Variants in NPSR1 observed in about 807,000 individuals in gnomAD.
NPSR1 encodes neuropeptide S receptor 1.
Under a neutral mutation model 46.9 loss-of-function variants are expected in NPSR1, and 48 were observed. That is an observed-to-expected ratio of 1.02 (90% CI 0.81 to 1.30). The LOEUF (loss-of-function observed/expected upper bound fraction) is 1.30. Ranked by LOEUF, NPSR1 falls within the 50% of genes most tolerant of loss-of-function variation. The probability of loss-of-function intolerance (pLI) is 0.00; values close to 1 mark genes in which losing one functional copy is unlikely to be tolerated. For missense variants in NPSR1, 450 were observed against 449.5 expected, an observed-to-expected ratio of 1.00 and a Z score of -0.01; for synonymous variants, 176 against 168.1, an observed-to-expected ratio of 1.05 and a Z score of -0.36.
Position 34,849,719 on chromosome 7 carries a change from T to C in NPSR1, c.*64T>C. The C allele has an allele frequency of 1.3e-6, 2 of 1,597,390 alleles. No homozygotes were observed. Among genetic ancestry groups the C allele is most frequent in the Non-Finnish European group, 1.7e-6 (2 of 1,171,680 alleles). On this transcript the variant is annotated 3_prime_UTR_variant, in exon 9 of 9. Transcript: ENST00000360581. ...GCTCTCCCAGGTCCTTGTCACCTGC[T>C]TGGGCACGTGCATGGAACCCGAGCC...
chr7:34,827,557 C>G lies in NPSR1; in HGVS notation c.635C>G (p.Thr212Ser). 6.2e-7 allele frequency: 1 copy of G among 1,606,408 alleles called. No homozygotes were observed. Among genetic ancestry groups the G allele is most frequent in the Non-Finnish European group, 8.5e-7 (1 of 1,175,290 alleles). The change falls in exon 5 of 9, where the codon ACC becomes AGC. Residue 212 changes from threonine to serine, a missense_variant. Physicochemically the swap from Thr to Ser is moderately conservative, Grantham distance 58 (BLOSUM62 1). Transcript: ENST00000360581. ...GACTCCTACTGGACCCCATACATGA[C>G]CATCGTGGCCTTCCTGGTGTACTTC... ...PDDSYWTPYM[T>S]IVAFLVYFIP...
chr7:34,764,260 G>A (rs1786320232), intron 2 of NPSR1, among the ~76,000 whole-genome samples: 2 of 150,432 alleles, frequency 1.3e-5, no homozygotes, highest in South Asian at 2.1e-4. Context: ...TATTATTAAT[G>A]TGCTGGTTGA....
chr7:34,754,525 T>C (rs746309831), intron 2 of NPSR1, among the ~76,000 whole-genome samples: 131 of 152,160 alleles, frequency 8.6e-4, no homozygotes, highest in Non-Finnish European at 1.4e-3. Context: ...TGCCCCCTCC[T>C]ACCAATTCCC....
At chr7:34,704,496 A>C (rs2128698021) in intron 2 of NPSR1, among the ~76,000 whole-genome samples, 1 of 152,284 alleles carries the variant, frequency 6.6e-6, no homozygotes, top group Middle Eastern at 3.4e-3. Flanking sequence ...ACTTATTAAG[A>C]GTGTCTTTGA....
At chr7:34,787,309 A>G (rs1387876826) in intron 3 of NPSR1, among the ~76,000 whole-genome samples, 2 of 152,106 alleles carry the variant, frequency 1.3e-5, no homozygotes, top group Non-Finnish European at 2.9e-5. Context: ...CAGCTTTCAC[A>G]TCTATCTCAG....
At chr7:34,807,223 G>GT (rs1308876978) in intron 3 of NPSR1, among the ~76,000 whole-genome samples, 3 of 152,012 alleles carry the variant, frequency 2.0e-5, no homozygotes, top group East Asian at 1.9e-4. Context: ...TGTGATTTGC[G>GT]TAAGTCTTAC....
intron 8 of NPSR1, among the ~76,000 whole-genome samples, chr7:34,876,262 G>A (rs1209613368): frequency 6.6e-6 from 1 of 152,146 alleles, no homozygotes; most frequent in East Asian, 1.9e-4. Flanking sequence ...GGAAGCCCAA[G>A]TTCAAAACCC....
intron 4 of NPSR1, among the ~76,000 whole-genome samples, chr7:34,825,134 A>T (rs1426538084): frequency 1.3e-5 from 2 of 152,090 alleles, no homozygotes; most frequent in African/African-American, 2.4e-5. Context: ...GGTGGTGAAG[A>T]CATTTTCCTA....
intron 2 of NPSR1, among the ~76,000 whole-genome samples, chr7:34,717,518 A>C (rs946989606): frequency 3.9e-5 from 6 of 152,226 alleles, no homozygotes; most frequent in Non-Finnish European, 7.3e-5. Context: ...GGGGAAATGT[A>C]AGATGGTGGA....
rs190163405 is a variant in NPSR1, at chr7:34,857,001, A to G, written c.1025+8338A>G. On this transcript the variant is annotated intron_variant, in intron 8 of 8. Transcript: ENST00000359791. ...ATGCCATGAAGCCATATTTTAGGGT[A>G]AAGTTCCATGAGCTCCTGCATTCGT... is the stretch of plus-strand genomic sequence containing the variant. Among the ~76,000 whole-genome samples, 35 of 151,824 alleles carry G rather than the reference A, an allele frequency of 2.3e-4. 2 individuals are homozygous for G. The highest frequency in any genetic ancestry group is 8.5e-4 in the African/African-American group (35 of 41,132).
intron 8 of NPSR1, among the ~76,000 whole-genome samples, chr7:34,859,525 CT>C (rs1791137143): frequency 1.3e-5 from 2 of 151,646 alleles, no homozygotes; most frequent in Admixed American, 1.3e-4. Context: ...ATAGGGAACA[CT>C]GGAGATATTG....
At chr7:34,720,984 G>GA (rs367669923) in intron 2 of NPSR1, among the ~76,000 whole-genome samples, 7 of 150,944 alleles carry the variant, frequency 4.6e-5, no homozygotes, top group African/African-American at 7.3e-5. Context: ...GGATATCTCT[G>GA]AAAAAAAAAT....
intron 5 of NPSR1, among the ~76,000 whole-genome samples, chr7:34,832,736 C>A (rs1790176489): frequency 1.3e-5 from 2 of 152,086 alleles, no homozygotes; most frequent in South Asian, 4.1e-4. Flanking sequence ...TAACTTTTCC[C>A]CTGTGTACAT....
At chr7:34,700,503 A>G (rs1417902994) in intron 2 of NPSR1, among the ~76,000 whole-genome samples, 1 of 152,224 alleles carries the variant, frequency 6.6e-6, no homozygotes, top group Non-Finnish European at 1.5e-5. Context: ...ATCCCAAGTA[A>G]GAGCATGAAA....
chr7:34,692,174 G>A (rs1191083683), intron 2 of NPSR1, among the ~76,000 whole-genome samples: 1 of 151,802 alleles, frequency 6.6e-6, no homozygotes, highest in Non-Finnish European at 1.5e-5. Flanking sequence ...AGAAACTCTG[G>A]ACTTAAACTA....
In NPSR1 at chr7:34,658,347, A is replaced by T; in HGVS notation, c.-66A>T. ...CTGCAGCTGCTGCCCAGCTCTCAGG[A>T]GGCAAGCTGGACTCCCTCACTCAGC... is the stretch of plus-strand genomic sequence containing the variant. On this transcript the variant is annotated 5_prime_UTR_variant, in exon 1 of 9. Transcript: ENST00000360581. 1.9e-6 allele frequency: 3 copies of T among 1,575,070 alleles called. No individual in the cohort carries two copies. In the South Asian group the frequency reaches 3.5e-5, roughly 18 times the overall value.
downstream of NPSR1, among the ~76,000 whole-genome samples, chr7:34,851,748 C>T (rs1322408436): frequency 6.6e-6 from 1 of 152,172 alleles, no homozygotes; most frequent in Non-Finnish European, 1.5e-5. Flanking sequence ...CCTCATCCAT[C>T]AGTAGAGTCT....
At chr7:34,802,296 C>A (rs1167977285) in intron 3 of NPSR1, among the ~76,000 whole-genome samples, 1 of 150,264 alleles carries the variant, frequency 6.7e-6, no homozygotes, top group East Asian at 1.9e-4. Context: ...GGAGGCATCA[C>A]ACTACCTGAC....
intron 2 of NPSR1, among the ~76,000 whole-genome samples, chr7:34,715,124 T>A (rs1272454179): frequency 2.0e-5 from 3 of 152,350 alleles, no homozygotes; most frequent in African/African-American, 7.2e-5. Flanking sequence ...CAGGTTCTGC[T>A]CTGTCTGGCT....
Sources: gnomAD v4.1 joint callset for allele counts (sites outside exome capture counted in the v4.1 genomes callset) on GRCh38, gnomAD v4.1.1 for gene constraint, MANE v1.5 for transcripts, NCBI Gene and HGNC (gene_info 2026-07-23, HGNC 2026-07-21) for gene names.